Variants in OOSP4B observed in about 807,000 individuals in gnomAD.
OOSP4B encodes oocyte-secreted protein 4B.
rs573713221 is a variant in OOSP4B, at chr11:60,029,715, A to AT, written c.303-62dup. 1.8e-4 allele frequency: 71 copies of AT among 397,260 alleles called. No individual in the cohort carries two copies. The East Asian group carries it at 2.2e-3, about 12-fold the overall frequency. 24.6% of individuals were successfully genotyped at this position (397,260 alleles called of 1,614,324 possible). ...CTTATAACGAACCTATCTAATACAT[A>AT]TTTTTCCCACAAAAAATCTGTACAG... On this transcript the variant is annotated intron_variant, in intron 3 of 4. Transcript: ENST00000642343.
intron 1 of OOSP4B, among the ~76,000 whole-genome samples, chr11:60,019,015 G>C (rs1302154027): frequency 6.6e-6 from 1 of 151,990 alleles, no homozygotes; most frequent in African/African-American, 2.4e-5. Flanking sequence ...TCAGGAGTTC[G>C]AGACCAGCCT....
At chr11:60,020,868 C>G (rs1854684594) in intron 1 of OOSP4B, among the ~76,000 whole-genome samples, 1 of 152,232 alleles carries the variant, frequency 6.6e-6, no homozygotes, top group Non-Finnish European at 1.5e-5. Flanking sequence ...TGAGATCTCA[C>G]CACTGCACTC....
At chr11:60,028,373 C>A (rs972209534) in intron 3 of OOSP4B, among the ~76,000 whole-genome samples, 1 of 151,958 alleles carries the variant, frequency 6.6e-6, no homozygotes, top group Non-Finnish European at 1.5e-5. Context: ...ACCATGTTGG[C>A]CAGGCTCGTC....
downstream of OOSP4B, chr11:60,031,094 C>T (rs1206157524): frequency 5.9e-6 from 2 of 336,262 alleles, no homozygotes; most frequent in Non-Finnish European, 1.1e-5. Flanking sequence ...TGCCCATACC[C>T]AGTGTGTTCT....
chr11:60,025,437 G>A (rs1051225516), intron 3 of OOSP4B, among the ~76,000 whole-genome samples: 1 of 152,216 alleles, frequency 6.6e-6, no homozygotes, highest in Non-Finnish European at 1.5e-5. Flanking sequence ...GAGTAAGACT[G>A]ATTGCTGCAG....
At chr11:60,027,201 T>C (rs17154433) in intron 3 of OOSP4B, among the ~76,000 whole-genome samples, 30,257 of 151,976 alleles carry the variant, frequency 0.2, 3,596 homozygotes, top group Admixed American at 0.37. Context: ...ACAGTGGGAA[T>C]GAACACTACA....
chr11:60,019,001 G>C (rs900997932), intron 1 of OOSP4B, among the ~76,000 whole-genome samples: 4 of 152,106 alleles, frequency 2.6e-5, no homozygotes, highest in Non-Finnish European at 4.4e-5. Context: ...CAGATCACAT[G>C]AGGTCAGGAG....
intron 1 of OOSP4B, among the ~76,000 whole-genome samples, chr11:60,020,205 C>T (rs1322648765): frequency 6.6e-6 from 1 of 152,244 alleles, no homozygotes; most frequent in East Asian, 1.9e-4. Flanking sequence ...CCCAGTGGAT[C>T]CCATACCGGG....
At chr11:60,029,864 G>A in exon 4 of OOSP4B, 1 of 398,394 alleles carries the variant, frequency 2.5e-6, no homozygotes, top group Non-Finnish European at 4.4e-6. Context: ...AAAAACAAAA[G>A]GACAAGAGTC....
chr11:60,019,934 A>C (rs914237974), intron 1 of OOSP4B, among the ~76,000 whole-genome samples: 6 of 152,122 alleles, frequency 3.9e-5, no homozygotes, highest in Non-Finnish European at 8.8e-5. Flanking sequence ...CCTGAGCTAG[A>C]CACAAAAGTT....
chr11:60,017,413 G>T, exon 1 of OOSP4B: 1 of 398,590 alleles, frequency 2.5e-6, no homozygotes, highest in Non-Finnish European at 4.4e-6. Context: ...TGTGCTCTTA[G>T]GTAGGTCCTT....
At chr11:60,019,762 T>C (rs1394731382) in intron 1 of OOSP4B, among the ~76,000 whole-genome samples, 2 of 152,190 alleles carry the variant, frequency 1.3e-5, no homozygotes, top group Non-Finnish European at 2.9e-5. Context: ...AGAATAAAGC[T>C]TCCACAGTTT....
rs375373832 is a variant in OOSP4B at position 60,030,800 on chromosome 11, A to G, written c.451-2A>G. On this transcript the variant is annotated splice_acceptor_variant, in intron 4 of 4. Coordinates refer to ENST00000642343, the Ensembl canonical transcript of OOSP4B. LOFTEE classifies it high-confidence loss of function. ...TAACTGCTTTTCCCCCCTATCCTACAGGAGCAACTATCCAAGAAGTCACTG... is the reference window on the plus strand; with the variant it reads ...TAACTGCTTTTCCCCCCTATCCTACGGGAGCAACTATCCAAGAAGTCACTG... 3 of 398,132 alleles carry G rather than the reference A, an allele frequency of 7.5e-6. No individual in the cohort carries two copies. Among genetic ancestry groups the G allele is most frequent in the African/African-American group, 6.2e-5 (3 of 48,604 alleles). 24.7% of individuals were successfully genotyped at this position (398,132 alleles called of 1,614,324 possible).
intron 1 of OOSP4B, among the ~76,000 whole-genome samples, chr11:60,019,769 G>A (rs1854668048): frequency 6.6e-6 from 1 of 152,228 alleles, no homozygotes. Flanking sequence ...AGCTTCCACA[G>A]TTTGGAAGGA....
intron 4 of OOSP4B, 143 bp from the exon 5 acceptor site, chr11:60,030,659 T>C (rs770714015): frequency 5.1e-6 from 2 of 394,466 alleles, no homozygotes; most frequent in African/African-American, 2.1e-5. Flanking sequence ...GTTAGTTCCA[T>C]AGATTACATT....
chr11:60,029,492 A>G (rs1282318592), intron 3 of OOSP4B, among the ~76,000 whole-genome samples: 1 of 152,174 alleles, frequency 6.6e-6, no homozygotes, highest in East Asian at 1.9e-4. Flanking sequence ...TCCATTCAGC[A>G]TAGATAGAAT....
chr11:60,028,967 T>C (rs1204498925), intron 3 of OOSP4B, among the ~76,000 whole-genome samples: 1 of 138,284 alleles, frequency 7.2e-6, no homozygotes, highest in East Asian at 2.1e-4. Flanking sequence ...TATTGCCGTC[T>C]ATATAGGCAT....
intron 3 of OOSP4B, among the ~76,000 whole-genome samples, chr11:60,025,511 T>C (rs1182345352): frequency 6.6e-6 from 1 of 152,184 alleles, no homozygotes; most frequent in Admixed American, 6.5e-5. Flanking sequence ...TTCTATAACT[T>C]TGTAGAAATA....
At chr11:60,018,811 T>G (rs1462027881) in intron 1 of OOSP4B, among the ~76,000 whole-genome samples, 1 of 152,172 alleles carries the variant, frequency 6.6e-6, no homozygotes, top group Admixed American at 6.5e-5. Flanking sequence ...CTATTACCAT[T>G]CCCTGAGACC....
Sources: gnomAD v4.1 joint callset for allele counts (sites outside exome capture counted in the v4.1 genomes callset) on GRCh38, gnomAD v4.1.1 for gene constraint, MANE v1.5 for transcripts, NCBI Gene and HGNC (gene_info 2026-07-23, HGNC 2026-07-21) for gene names.